COPS7A: variants seen among roughly 807,000 people sequenced by gnomAD.
The protein encoded by COPS7A is COP9 signalosome complex subunit 7a.
A neutral mutation model predicts 35.2 loss-of-function variants in COPS7A; 20 were observed. The observed-to-expected ratio is 0.57, with a 90% CI of 0.40 to 0.83. The LOEUF is 0.83. COPS7A is among the 40% of genes least tolerant of loss of function. COPS7A has a pLI of 0.00. For missense variants in COPS7A, 247 were observed against 347.5 expected, an observed-to-expected ratio of 0.71 and a Z score of 2.30; for synonymous variants, 139 against 141.4, an observed-to-expected ratio of 0.98 and a Z score of 0.12.
In COPS7A at chr12:6,729,055, C is replaced by T. The variant is rs76414693; in HGVS notation, c.328-192C>T. On this transcript the variant is annotated intron_variant, in intron 4 of 7. Transcript: ENST00000543155. The surrounding 1 kb of genome is among the most constrained non-coding windows in gnomAD (Gnocchi z 4.2). ...TTGTATTTTATTTAAGATTGTCCTT[C>T]TAATGATGCTGTTTTTGAAGTGGGA... 1,827 of 598,990 alleles carry T rather than the reference C, an allele frequency of 3.1e-3. 35 individuals are homozygous for T. Among genetic ancestry groups the T allele is most frequent in the African/African-American group, 0.03 (1,610 of 53,884 alleles). The allele number at this position is 598,990 out of a possible 1,614,324, so 37.1% of individuals were successfully genotyped here. A position where few individuals can be genotyped will look rare whatever the true frequency, so the allele number is the denominator to read the frequency against.
chr12:6,728,977 T>G, intron 4 of COPS7A: 5 of 463,244 alleles, frequency 1.1e-5, no homozygotes, highest in Non-Finnish European at 1.6e-5. Context: ...CCCAGGCAGA[T>G]GTCATTTTCT....
rs1941296609 is a variant in COPS7A, at chr12:6,727,870, C to G, written c.163-56C>G. 3 of 1,547,358 alleles carry G rather than the reference C, an allele frequency of 1.9e-6. No individual in the cohort carries two copies. The Admixed American group carries it at 5.0e-5, about 26-fold the overall frequency. ...AAGTGGAGTTCCAAACAGGGTAAGG[C>G]TGGGAGGGTGGAGAGGGAAGACTTC... On this transcript the variant is annotated intron_variant, in intron 2 of 7. Coordinates refer to ENST00000543155, the MANE Select transcript of COPS7A (RefSeq NM_001164094.2).
In COPS7A at chr12:6,730,946, G is replaced by A; in HGVS notation, c.789-54G>A. On this transcript the variant is annotated intron_variant, in intron 7 of 7. Transcript: ENST00000543155. ...GGAGTGGGGGAGCCTCCAGGGGTTA[G>A]GGGATTCCCTGCATTCTCTCTCTCT... The A allele has an allele frequency of 1.9e-6, 3 of 1,593,196 alleles. No homozygotes were observed. The South Asian group carries it at 3.4e-5, about 18-fold the overall frequency.
chr12:6,727,827 G>C (rs779786460), intron 2 of COPS7A, 99 bp from the exon 3 acceptor site: 50 of 1,092,974 alleles, frequency 4.6e-5, no homozygotes, highest in Non-Finnish European at 6.9e-5. Flanking sequence ...AACATTGGCC[G>C]GGAAAGATGG....
Position 6,731,322 on chromosome 12 carries a change from G to C in COPS7A, c.*283G>C. ...CCTTAAGAGCTCAGCATCTGTCCCT[G>C]TTCATTACATGTCATTGAGTAGGTG... On this transcript the variant is annotated 3_prime_UTR_variant, in exon 8 of 8. Coordinates refer to ENST00000543155, the MANE Select transcript of COPS7A (RefSeq NM_001164094.2). 2.8e-6 allele frequency: 4 copies of C among 1,420,232 alleles called. No individual in the cohort carries two copies. The highest frequency in any genetic ancestry group is 3.7e-6 in the Non-Finnish European group (4 of 1,091,264). The allele number at this position is 1,420,232 out of a possible 1,614,324, so 88.0% of individuals were successfully genotyped here.
At chr12:6,726,449 A>C (rs570780043) in intron 2 of COPS7A, among the ~76,000 whole-genome samples, 1 of 151,592 alleles carries the variant, frequency 6.6e-6, no homozygotes, top group Non-Finnish European at 1.5e-5. Context: ...TAAAAATACA[A>C]AAATTAGCCG....
At position 6,729,252 on chromosome 12, in the gene COPS7A, C is replaced by T. The variant is rs748253593; in HGVS notation, c.333C>T (p.Ile111=). 1 of 1,613,982 alleles carries T rather than the reference C, an allele frequency of 6.2e-7. No homozygotes were observed. Among genetic ancestry groups the T allele is most frequent in the Admixed American group, 1.7e-5 (1 of 59,978 alleles). Residue 111 remains isoleucine, a synonymous_variant, in exon 5 of 8, where the codon ATC becomes ATT. Transcript: ENST00000543155. The surrounding 1 kb of genome is among the most constrained non-coding windows in gnomAD (Gnocchi z 4.2). ...CCTGATCTCCGCGGCCCCAGTGTAT[C>T]CCATATGCAGTGTTGCTGGAGGCTC... is the stretch of plus-strand genomic sequence containing the variant. ...VVTLAAKVKC[I]PYAVLLEALA... is the part of the protein sequence containing the mutation.
intron 3 of COPS7A, 51 bp downstream of exon 3, chr12:6,728,052 T>A (rs763991405): frequency 3.2e-6 from 5 of 1,580,198 alleles, no homozygotes; most frequent in Admixed American, 3.3e-5. Context: ...AGAAGGGCAA[T>A]TTCTGGAGGG....
In COPS7A at chr12:6,728,211, G is replaced by C. The variant is rs373756883; in HGVS notation, c.239-12G>C. 1.9e-6 allele frequency: 3 copies of C among 1,613,194 alleles called. No individual in the cohort carries two copies. Among genetic ancestry groups the C allele is most frequent in the African/African-American group, 2.7e-5 (2 of 74,880 alleles). ...AAATCAGGATTCCTTACACTTTGTC[G>C]TTTTTCCCTAGCTGAAGCCCGGAAT... On this transcript the variant is annotated splice_polypyrimidine_tract_variant and intron_variant, in intron 3 of 7. Coordinates refer to ENST00000543155, the MANE Select transcript of COPS7A (RefSeq NM_001164094.2).
Position 6,731,387 on chromosome 12 carries a change from C to T in COPS7A, c.*348C>T. 1 of 1,271,956 alleles carries T rather than the reference C, an allele frequency of 7.9e-7. No individual in the cohort carries two copies. The highest frequency in any genetic ancestry group is 1.5e-5 in the African/African-American group (1 of 66,680). 78.8% of individuals were successfully genotyped at this position (1,271,956 alleles called of 1,614,324 possible). ...GGGTCGCTCTGTCTGGAGCATAACC[C>T]ACAGGCGTTTTTTCTGCCACCCCAT... On this transcript the variant is annotated 3_prime_UTR_variant, in exon 8 of 8. Transcript: ENST00000543155.
rs978447613 is a variant in COPS7A at position 6,730,000 on chromosome 12, G to A, written c.531-402G>A. On this transcript the variant is annotated intron_variant, in intron 5 of 7. Transcript: ENST00000543155. This position sits in a 1 kb window ranked among gnomAD's most constrained non-coding sequence, Gnocchi z 4.2. ...ATCACAGGTGGTTTCTAGGTGCCCT[G>A]GTGAGGGTTCCCAACTCAGACTCAA... 1.3e-5 allele frequency among the ~76,000 whole-genome samples: 2 copies of A among 152,116 alleles called. No homozygotes were observed. The highest frequency in any genetic ancestry group is 3.9e-4 in the East Asian group (2 of 5,192).
chr12:6,724,853 G>T (rs374579236), intron 2 of COPS7A, 35 bp downstream of exon 2: 1 of 1,606,714 alleles, frequency 6.2e-7, no homozygotes, highest in African/African-American at 1.3e-5. Context: ...TCAGAGAAGC[G>T]TGGGCAAAGG....
In COPS7A at chr12:6,724,734, G is replaced by T. The variant is rs1388720314; in HGVS notation, c.78G>T (p.Ala26=). 1.2e-6 allele frequency: 2 copies of T among 1,614,178 alleles called. No homozygotes were observed. Among genetic ancestry groups the T allele is most frequent in the South Asian group, 2.2e-5 (2 of 91,086 alleles). The change falls in exon 2 of 8, where the codon GCG becomes GCT. Residue 26 remains alanine (A), a synonymous_variant. Transcript: ENST00000543155. Reference sequence around the variant, plus strand: ...TAGCCAAGTCGGCCAAGGGGGCAGCGCTGGCCACACTCATCCATCAGGTGC... The same window carrying T: ...TAGCCAAGTCGGCCAAGGGGGCAGCTCTGGCCACACTCATCCATCAGGTGC... ...LLLAKSAKGA[A]LATLIHQVLE...
intron 5 of COPS7A, 49 bp from the exon 6 acceptor site, chr12:6,730,353 G>A: frequency 6.4e-7 from 1 of 1,570,050 alleles, no homozygotes; most frequent in South Asian, 1.1e-5. Context: ...CTGTGAGTCT[G>A]TGATCGCAGC....
chr12:6,725,687 C>A (rs1171583121), intron 2 of COPS7A: 3 of 455,968 alleles, frequency 6.6e-6, no homozygotes, highest in African/African-American at 4.0e-5. Context: ...CAGAGAGAAC[C>A]GTTCACACAA....
rs2137759260 is a variant in COPS7A at position 6,730,512 on chromosome 12, G to A, written c.636+5G>A. On this transcript the variant is annotated splice_donor_5th_base_variant and intron_variant, in intron 6 of 7. Coordinates refer to ENST00000543155, the MANE Select transcript of COPS7A (RefSeq NM_001164094.2). ...AAGCAGCAGATTGAGAGTGAGGTGA[G>A]CAGTCAGGGGAGCAGGCAGACCCAA... 2 of 1,614,080 alleles carry A rather than the reference G, an allele frequency of 1.2e-6. No homozygotes were observed. The highest frequency in any genetic ancestry group is 1.7e-6 in the Non-Finnish European group (2 of 1,179,992).
Position 6,731,848 on chromosome 12 carries a change from G to A in COPS7A, c.*809G>A, listed in dbSNP as rs1174898997. ...TAATATGACGCAGAAATAAATCTAT[G>A]AGAAATCTATCTACAAACTACCCTG... On this transcript the variant is annotated 3_prime_UTR_variant, in exon 8 of 8. Coordinates refer to ENST00000543155, the MANE Select transcript of COPS7A (RefSeq NM_001164094.2). The A allele has an allele frequency of 1.3e-5, 2 of 152,508 alleles. No individual in the cohort carries two copies. The highest frequency in any genetic ancestry group is 2.9e-5 in the Non-Finnish European group (2 of 68,026). The allele number at this position is 152,508 out of a possible 1,614,324, so 9.4% of individuals were successfully genotyped here. A position where few individuals can be genotyped will look rare whatever the true frequency, so the allele number is the denominator to read the frequency against.
At position 6,729,228 on chromosome 12, in the gene COPS7A, C is replaced by T. The variant is rs1941331412; in HGVS notation, c.328-19C>T. 1 of 1,613,800 alleles carries T rather than the reference C, an allele frequency of 6.2e-7. No homozygotes were observed. Among genetic ancestry groups the T allele is most frequent in the African/African-American group, 1.3e-5 (1 of 74,902 alleles). On this transcript the variant is annotated intron_variant, in intron 4 of 7. Coordinates refer to ENST00000543155, the MANE Select transcript of COPS7A (RefSeq NM_001164094.2). This position sits in a 1 kb window ranked among gnomAD's most constrained non-coding sequence, Gnocchi z 4.2. ...ACTACGGAGCGTCACAAATCCTGGC[C>T]TGATCTCCGCGGCCCCAGTGTATCC...
Position 6,729,112 on chromosome 12 carries a change from C to T in COPS7A, c.328-135C>T, listed in dbSNP as rs115245745. On this transcript the variant is annotated intron_variant, in intron 4 of 7. Transcript: ENST00000543155. The surrounding 1 kb of genome is among the most constrained non-coding windows in gnomAD (Gnocchi z 4.2). Reference sequence around the variant, plus strand: ...TTATTTATTTTGCTTTAGAACCAGCCTCTTAGAGGAAGTGATTTAGGAATG... The same window carrying T: ...TTATTTATTTTGCTTTAGAACCAGCTTCTTAGAGGAAGTGATTTAGGAATG... The T allele has an allele frequency of 1.6e-3, 1,278 of 776,466 alleles. 11 individuals carry two copies. The African/African-American group carries it at 0.019, about 11-fold the overall frequency. The allele number at this position is 776,466 out of a possible 1,614,324, so 48.1% of individuals were successfully genotyped here.
Sources: gnomAD v4.1 joint callset for allele counts (sites outside exome capture counted in the v4.1 genomes callset) on GRCh38, gnomAD v4.1.1 for gene constraint, Gnocchi (gnomAD v3.1) non-coding constraint, MANE v1.5 for transcripts, NCBI Gene and HGNC (gene_info 2026-07-23, HGNC 2026-07-21) for gene names.